ITGA9: variants seen among roughly 807,000 people sequenced by gnomAD.
The protein encoded by ITGA9 is integrin alpha-9.
In ITGA9, 56 loss-of-function variants were observed where a neutral mutation model predicts 127.8. The ratio of observed to expected loss-of-function variants is 0.44; its 90% confidence interval spans 0.35 to 0.55. The LOEUF (loss-of-function observed/expected upper bound fraction) is 0.55, where lower values mean the gene tolerates loss of function less well. Ranked by LOEUF, ITGA9 falls within the 20% of genes least tolerant of loss-of-function variation. The probability of loss-of-function intolerance (pLI) is 0.00; values close to 1 mark genes in which losing one functional copy is unlikely to be tolerated. For synonymous variants in ITGA9, 508 were observed against 514.5 expected (o/e 0.99, Z 0.17); for missense variants, 1,196 against 1,347.1 (o/e 0.89, Z 1.76).
At chr3:37,783,171 T>C (rs1270237647) in intron 25 of ITGA9, among the ~76,000 whole-genome samples, 2 of 152,258 alleles carry the variant, frequency 1.3e-5, no homozygotes, top group East Asian at 3.9e-4. Context: ...ATTCGGATTT[T>C]TTTGGAAGTA....
intron 23 of ITGA9, among the ~76,000 whole-genome samples, chr3:37,769,114 G>A (rs1364558911): frequency 1.3e-5 from 2 of 152,028 alleles, no homozygotes; most frequent in Admixed American, 6.5e-5. Context: ...CGAGGTGGAC[G>A]GATCATCTGA....
At chr3:37,492,047 C>G (rs1370396454) in intron 4 of ITGA9, among the ~76,000 whole-genome samples, 1 of 152,116 alleles carries the variant, frequency 6.6e-6, no homozygotes, top group Non-Finnish European at 1.5e-5. Flanking sequence ...GTTGCCAGGC[C>G]CCACAACTGC....
intron 15 of ITGA9, among the ~76,000 whole-genome samples, chr3:37,576,780 A>AT (rs1349808632): frequency 2.6e-5 from 4 of 152,040 alleles, no homozygotes; most frequent in Non-Finnish European, 4.4e-5. Flanking sequence ...AATTTTTTGC[A>AT]TTTTTTGCAG....
At chr3:37,767,090 G>A (rs113420509) in intron 23 of ITGA9, among the ~76,000 whole-genome samples, 4,472 of 152,284 alleles carry the variant, frequency 0.029, 134 homozygotes, top group Non-Finnish European at 0.036. Flanking sequence ...CCTGTCACAC[G>A]CAAAGGAAGA....
intron 17 of ITGA9, among the ~76,000 whole-genome samples, chr3:37,681,985 G>A (rs1272391725): frequency 6.6e-6 from 1 of 152,136 alleles, no homozygotes; most frequent in Non-Finnish European, 1.5e-5. Flanking sequence ...CCAGCCAGGC[G>A]AGAACAGTCA....
At chr3:37,501,790 T>G (rs1579068331) in intron 5 of ITGA9, among the ~76,000 whole-genome samples, 1 of 152,096 alleles carries the variant, frequency 6.6e-6, no homozygotes, top group African/African-American at 2.4e-5. Context: ...CAGATGGAGA[T>G]AAAAAGATCA....
intron 23 of ITGA9, among the ~76,000 whole-genome samples, chr3:37,761,329 A>G (rs1275273576): frequency 5.3e-5 from 8 of 152,234 alleles, no homozygotes; most frequent in Admixed American, 5.2e-4. Flanking sequence ...CAACAATTCC[A>G]CTTTTAGGAA....
intron 24 of ITGA9, among the ~76,000 whole-genome samples, chr3:37,778,158 C>T (rs1029386488): frequency 2.6e-5 from 4 of 152,090 alleles, no homozygotes; most frequent in African/African-American, 4.8e-5. Context: ...TTCACTTATA[C>T]GAAGTTCAGA....
At chr3:37,477,888 T>C (rs1408480033) in intron 3 of ITGA9, among the ~76,000 whole-genome samples, 1 of 152,052 alleles carries the variant, frequency 6.6e-6, no homozygotes, top group Non-Finnish European at 1.5e-5. Flanking sequence ...GCTGTCCTTA[T>C]CTGTTCAGTG....
chr3:37,658,582 T>C (rs1700502133), intron 17 of ITGA9, among the ~76,000 whole-genome samples: 1 of 152,212 alleles, frequency 6.6e-6, no homozygotes, highest in African/African-American at 2.4e-5. Context: ...TACGTGTCTT[T>C]GCACATGAAA....
intron 15 of ITGA9, among the ~76,000 whole-genome samples, chr3:37,616,483 A>C (rs1486507767): frequency 1.2e-4 from 19 of 152,146 alleles, no homozygotes; most frequent in African/African-American, 4.6e-4. Flanking sequence ...TATTAGGTCC[A>C]CTTGGTGCAG....
At chr3:37,746,264 G>T (rs1696499283) in intron 22 of ITGA9, among the ~76,000 whole-genome samples, 1 of 152,176 alleles carries the variant, frequency 6.6e-6, no homozygotes, top group Non-Finnish European at 1.5e-5. Flanking sequence ...TTAAAAATCG[G>T]TTATTCAACA....
At chr3:37,474,798 G>A (rs766918298) in intron 3 of ITGA9, among the ~76,000 whole-genome samples, 1 of 152,240 alleles carries the variant, frequency 6.6e-6, no homozygotes, top group African/African-American at 2.4e-5. Flanking sequence ...TGAGGGTTTC[G>A]TGTGTATTTT....
intron 17 of ITGA9, among the ~76,000 whole-genome samples, chr3:37,670,874 A>G (rs941563576): frequency 1.3e-5 from 2 of 152,228 alleles, no homozygotes. Context: ...TAGAAACAGA[A>G]AAGTTATGGC....
intron 20 of ITGA9, among the ~76,000 whole-genome samples, chr3:37,740,460 C>T (rs1696419397): frequency 6.6e-6 from 1 of 152,196 alleles, no homozygotes; most frequent in African/African-American, 2.4e-5. Context: ...CTCTCTCTTC[C>T]TCCTGTTCCT....
chr3:37,567,715 C>T (rs186611682), intron 15 of ITGA9, among the ~76,000 whole-genome samples: 6 of 152,268 alleles, frequency 3.9e-5, no homozygotes, highest in East Asian at 1.9e-4. Flanking sequence ...CAAAACCCAG[C>T]GGGGAAGTCA....
In ITGA9 at chr3:37,505,836, G is replaced by C. The variant is rs534258740; in HGVS notation, c.743-164G>C. The stretch of plus-strand genomic sequence containing the variant: ...GTGAACATGACTTTTTGTGAGATGA[G>C]AGCCATTTCAGCATGAGAAGGTTGA... On this transcript the variant is annotated intron_variant, in intron 6 of 27. Transcript: ENST00000264741. 2.0e-5 allele frequency among the ~76,000 whole-genome samples: 3 copies of C among 152,308 alleles called. No homozygotes were observed. The East Asian group carries it at 5.8e-4, about 29-fold the overall frequency.
intron 18 of ITGA9, among the ~76,000 whole-genome samples, chr3:37,700,175 G>T (rs1037591474): frequency 6.6e-6 from 1 of 152,020 alleles, no homozygotes; most frequent in African/African-American, 2.4e-5. Context: ...GTAGAGATGG[G>T]GTTTCACCAT....
intron 1 of ITGA9, among the ~76,000 whole-genome samples, chr3:37,457,047 G>A (rs1359922572): frequency 1.3e-5 from 2 of 152,070 alleles, no homozygotes; most frequent in African/African-American, 4.8e-5. Context: ...AAGTCTTAAA[G>A]GGCTAGACAA....
Sources: allele counts gnomAD v4.1 joint callset (sites outside exome capture counted in the v4.1 genomes callset), GRCh38; gene constraint gnomAD v4.1.1; transcripts MANE v1.5; gene names NCBI Gene and HGNC (gene_info 2026-07-23, HGNC 2026-07-21).